The following SUB1 variants were observed in gnomAD, a reference collection of about 807,000 sequenced individuals.
The protein encoded by SUB1 is SUB1 regulator of transcription.
Under a neutral mutation model 16.9 loss-of-function variants are expected in SUB1, and 1 was observed. That is an observed-to-expected ratio of 0.06 (90% CI 0.02 to 0.28). The LOEUF is 0.28. SUB1 is among the 10% of genes least tolerant of loss of function. The pLI is 1.00. For missense variants in SUB1, 84 were observed against 145.2 expected (o/e 0.58, Z 2.16); for synonymous variants, 51 against 46.9 (o/e 1.09, Z -0.36).
At chr5:32,585,722 A>G (rs1440057298) in intron 1 of SUB1, 97 bp downstream of exon 1, 3 of 152,462 alleles carry the variant, frequency 2.0e-5, no homozygotes, top group East Asian at 1.9e-4. Context: ...CTCGCCGGCA[A>G]TGGCCGCGGG....
intron 2 of SUB1, among the ~76,000 whole-genome samples, chr5:32,590,916 A>C (rs1349944395): frequency 6.6e-6 from 1 of 150,408 alleles, no homozygotes; most frequent in Non-Finnish European, 1.5e-5. Flanking sequence ...ATAGGTGCCC[A>C]CCACCACGCC....
chr5:32,591,420 G>C (rs777620917), intron 2 of SUB1, 143 bp from the exon 3 acceptor site: 102 of 1,144,852 alleles, frequency 8.9e-5, no homozygotes, highest in Admixed American at 8.1e-4. Context: ...TTTTGTTGTT[G>C]AGTGAAACTT....
chr5:32,586,136 C>A (rs1738658981), intron 1 of SUB1: 1 of 152,266 alleles, frequency 6.6e-6, no homozygotes, highest in Non-Finnish European at 1.5e-5. Flanking sequence ...GGTGCAAATC[C>A]CGCCCCTTCC....
chr5:32,588,483 AT>A (rs1738731031), intron 1 of SUB1, 28 bp from the exon 2 acceptor site: 5 of 1,596,840 alleles, frequency 3.1e-6, no homozygotes, highest in Admixed American at 1.7e-5. Context: ...TACCTTATTA[AT>A]TATTTTTGTA....
chr5:32,588,659 A>G, intron 2 of SUB1, 75 bp downstream of exon 2: 1 of 1,435,626 alleles, frequency 7.0e-7, no homozygotes. Context: ...AGGATAGTAA[A>G]AGGTGTATTA....
At chr5:32,592,092 A>G (rs552165683) in intron 3 of SUB1, among the ~76,000 whole-genome samples, 4 of 152,368 alleles carry the variant, frequency 2.6e-5, no homozygotes, top group Non-Finnish European at 5.9e-5. Flanking sequence ...CCTAATATGT[A>G]TGTTACAATC....
In SUB1 at chr5:32,602,115, G is replaced by C. The variant is rs1373980845; in HGVS notation, c.*1031G>C. On this transcript the variant is annotated 3_prime_UTR_variant, in exon 5 of 5. Coordinates refer to ENST00000265073, the MANE Select transcript of SUB1 (RefSeq NM_006713.4). The stretch of plus-strand genomic sequence containing the variant: ...TTTTGGCCTTTGCCCCAGTAGAACA[G>C]ACCAATGGCATTCTAGACTTGATGA... The C allele has an allele frequency of 4.7e-6, 2 of 423,108 alleles. No homozygotes were observed. The highest frequency in any genetic ancestry group is 4.1e-5 in the African/African-American group (2 of 49,132). The allele number at this position is 423,108 out of a possible 1,614,324, so 26.2% of individuals were successfully genotyped here. A position where few individuals can be genotyped will look rare whatever the true frequency, so the allele number is the denominator to read the frequency against.
At chr5:32,586,711 T>C (rs1185822384) in intron 1 of SUB1, among the ~76,000 whole-genome samples, 1 of 152,202 alleles carries the variant, frequency 6.6e-6, no homozygotes, top group East Asian at 1.9e-4. Context: ...AAATATCTTT[T>C]TGTCGTATTA....
chr5:32,602,354 A>G lies in SUB1; in HGVS notation c.*1270A>G. On this transcript the variant is annotated 3_prime_UTR_variant, in exon 5 of 5. Coordinates refer to ENST00000265073, the MANE Select transcript of SUB1 (RefSeq NM_006713.4). ...CTTCTATCTAAATGATATACATATG[A>G]TATTTTGAGATTTTTATAACAGCAG... is the stretch of plus-strand genomic sequence containing the variant. 3.0e-6 allele frequency: 1 copy of G among 328,852 alleles called. No individual in the cohort carries two copies. Among genetic ancestry groups the G allele is most frequent in the East Asian group, 8.3e-5 (1 of 12,080 alleles). The allele number at this position is 328,852 out of a possible 1,614,324, so 20.4% of individuals were successfully genotyped here.
At position 32,603,416 on chromosome 5, in the gene SUB1, T is replaced by C. The variant is rs191180947; in HGVS notation, c.*2332T>C. 56 of 152,266 alleles carry C rather than the reference T, an allele frequency of 3.7e-4. No individual in the cohort carries two copies. The highest frequency in any genetic ancestry group is 1.3e-3 in the African/African-American group (52 of 41,558). 9.4% of individuals were successfully genotyped at this position (152,266 alleles called of 1,614,324 possible). On this transcript the variant is annotated 3_prime_UTR_variant, in exon 5 of 5. Transcript: ENST00000265073. The stretch of plus-strand genomic sequence containing the variant: ...AATGAATTTAATTCCAGTACTCAGG[T>C]TTTTCCCTTTAACAGACTCTATGTG...
intron 3 of SUB1, chr5:32,597,362 G>A (rs4867459): frequency 0.69 from 105,170 of 151,990 alleles, 40,814 homozygotes; most frequent in Non-Finnish European, 0.87. Flanking sequence ...TTTCATTGAC[G>A]TAGTATGTAA....
intron 4 of SUB1, among the ~76,000 whole-genome samples, chr5:32,599,744 T>G (rs559303804): frequency 6.6e-6 from 1 of 152,152 alleles, no homozygotes; most frequent in African/African-American, 2.4e-5. Context: ...TGTGTTTATA[T>G]GCTTTCATAT....
chr5:32,591,045 A>G (rs1416871569), intron 2 of SUB1, among the ~76,000 whole-genome samples: 1 of 152,080 alleles, frequency 6.6e-6, no homozygotes, highest in Non-Finnish European at 1.5e-5. Context: ...CTGGGATTAC[A>G]GGTGTGAGCT....
rs781155360 is a variant in SUB1, at chr5:32,588,470, G to C, written c.-1-42G>C. 8 of 1,556,640 alleles carry C rather than the reference G, an allele frequency of 5.1e-6. No homozygotes were observed. In the African/African-American group the frequency reaches 9.6e-5, roughly 19 times the overall value. On this transcript the variant is annotated intron_variant, in intron 1 of 4. Transcript: ENST00000265073. ...GGGGAGAGCTAAGTTGAAAGTAGTAGAGTACCTTATTAATTATTTTTGTAA... is the reference window on the plus strand; with the variant it reads ...GGGGAGAGCTAAGTTGAAAGTAGTACAGTACCTTATTAATTATTTTTGTAA...
Position 32,602,352 on chromosome 5 carries a change from T to G in SUB1, c.*1268T>G. 3.0e-6 allele frequency: 1 copy of G among 335,534 alleles called. No homozygotes were observed. The highest frequency in any genetic ancestry group is 5.9e-6 in the Non-Finnish European group (1 of 169,922). 20.8% of individuals were successfully genotyped at this position (335,534 alleles called of 1,614,324 possible). On this transcript the variant is annotated 3_prime_UTR_variant, in exon 5 of 5. Coordinates refer to ENST00000265073, the MANE Select transcript of SUB1 (RefSeq NM_006713.4). Reference sequence around the variant, plus strand: ...CTCTTCTATCTAAATGATATACATATGATATTTTGAGATTTTTATAACAGC... The same window carrying G: ...CTCTTCTATCTAAATGATATACATAGGATATTTTGAGATTTTTATAACAGC...
intron 3 of SUB1, among the ~76,000 whole-genome samples, chr5:32,591,922 ACT>A (rs1451991153): frequency 1.3e-5 from 2 of 151,584 alleles, no homozygotes; most frequent in Non-Finnish European, 2.9e-5. Flanking sequence ...CTGGTCTTGA[ACT>A]CCTGACCTTG....
intron 1 of SUB1, among the ~76,000 whole-genome samples, chr5:32,587,312 T>C (rs1306393443): frequency 2.6e-5 from 4 of 152,212 alleles, no homozygotes; most frequent in Non-Finnish European, 5.9e-5. Flanking sequence ...GTGCCTTGAA[T>C]AGAGGTATCC....
intron 1 of SUB1, among the ~76,000 whole-genome samples, chr5:32,586,920 T>C (rs1738686188): frequency 1.3e-5 from 2 of 152,230 alleles, no homozygotes; most frequent in South Asian, 4.1e-4. Context: ...TCTTTTTCCT[T>C]GACCTCCTAT....
intron 3 of SUB1, among the ~76,000 whole-genome samples, chr5:32,594,020 G>A (rs966326154): frequency 4.6e-5 from 7 of 152,070 alleles, no homozygotes; most frequent in African/African-American, 1.4e-4. Context: ...TGGCTTTCAT[G>A]GATCTAGTAG....
Sources: gnomAD v4.1 joint callset for allele counts (sites outside exome capture counted in the v4.1 genomes callset) on GRCh38, gnomAD v4.1.1 for gene constraint, MANE v1.5 for transcripts, NCBI Gene and HGNC (gene_info 2026-07-23, HGNC 2026-07-21) for gene names.